Variants in ERCC5 observed in about 807,000 individuals in gnomAD.
The protein encoded by ERCC5 is DNA excision repair protein ERCC-5.
ERCC5 carries 68 observed loss-of-function variants against 105.6 expected under a neutral mutation model. That is an observed-to-expected ratio of 0.64 (90% CI 0.53 to 0.79). The LOEUF is 0.79. ERCC5 is among the 30% of genes least tolerant of loss of function. ERCC5 has a pLI of 0.00. For missense variants in ERCC5, 1,373 were observed against 1,426.7 expected (o/e 0.96, Z 0.61); for synonymous variants, 546 against 526.2 (o/e 1.04, Z -0.51).
At position 102,862,173 on chromosome 13, in the gene ERCC5, C is replaced by T. The variant is rs372910916; in HGVS notation, c.1024C>T (p.Pro342Ser). 3 of 1,614,180 alleles carry T rather than the reference C, an allele frequency of 1.9e-6. No homozygotes were observed. In the Admixed American group the frequency reaches 5.0e-5, roughly 27 times the overall value. Reference sequence around the variant, plus strand: ...AGAGCCTGATGCTACCCCTCCTTCTCCAAGAACTTTACTAGCTATGCAAGC... The same window carrying T: ...AGAGCCTGATGCTACCCCTCCTTCTTCAAGAACTTTACTAGCTATGCAAGC... ...EKEPDATPPS[P>S]RTLLAMQAAL... Residue 342 changes from proline to serine, a missense_variant, in exon 8 of 15, where the codon CCA (proline) becomes TCA (serine). Physicochemically the swap from Pro to Ser is moderately conservative, Grantham distance 74. This residue lies in a region of ERCC5 where 1,004 missense variants were observed against 1,059.7 expected (regional missense o/e 0.95). Transcript: ENST00000652225.
Position 102,862,090 on chromosome 13 carries a change from T to G in ERCC5, c.941T>G (p.Met314Arg). ...GAGTCTCTTCCTTCTTCCAGCAAAA[T>G]GCACGGCATGTCTTTTGACGTGAAG... ...DSESLPSSSK[M>R]HGMSFDVKSS... Residue 314 changes from methionine (M) to arginine (R), a missense_variant, in exon 8 of 15, where the codon ATG (methionine) becomes AGG (arginine). Coordinates refer to ENST00000652225, the MANE Select transcript of ERCC5 (RefSeq NM_000123.4). The G allele has an allele frequency of 1.2e-6, 2 of 1,614,188 alleles. No homozygotes were observed. Among genetic ancestry groups the G allele is most frequent in the Non-Finnish European group, 1.7e-6 (2 of 1,180,022 alleles).
intron 1 of ERCC5, among the ~76,000 whole-genome samples, chr13:102,848,024 TG>T (rs1466885306): frequency 6.6e-6 from 1 of 152,176 alleles, no homozygotes; most frequent in Admixed American, 6.5e-5. Context: ...CTGGACGTGG[TG>T]GCCTGCACCT....
In ERCC5 at chr13:102,862,731, A is replaced by C; in HGVS notation, c.1582A>C (p.Thr528Pro). The change falls in exon 8 of 15, where the codon ACT (threonine) becomes CCT (proline). Residue 528 changes from threonine to proline, a missense_variant. Physicochemically the swap from Thr to Pro is conservative, Grantham distance 38. Transcript: ENST00000652225. ...AAGGGAACTGACACCGGCATCTCCAACTTGTACAAATTCTGTGTCAAAGAA... is the reference window on the plus strand; with the variant it reads ...AAGGGAACTGACACCGGCATCTCCACCTTGTACAAATTCTGTGTCAAAGAA... The part of the protein sequence containing the change: ...NGRELTPASP[T>P]CTNSVSKNET... The C allele has an allele frequency of 1.2e-6, 2 of 1,614,236 alleles. No homozygotes were observed. Among genetic ancestry groups the C allele is most frequent in the East Asian group, 2.2e-5 (1 of 44,884 alleles).
At chr13:102,861,057 C>T (rs1357341772) in intron 6 of ERCC5, among the ~76,000 whole-genome samples, 2 of 149,564 alleles carry the variant, frequency 1.3e-5, no homozygotes, top group African/African-American at 2.5e-5. Context: ...GGCACAATCT[C>T]GGCTCACTGC....
Position 102,875,398 on chromosome 13 carries a change from T to C in ERCC5, c.3056T>C (p.Val1019Ala). The C allele has an allele frequency of 1.2e-6, 2 of 1,614,110 alleles. No individual in the cohort carries two copies. Among genetic ancestry groups the C allele is most frequent in the Non-Finnish European group, 1.7e-6 (2 of 1,180,028 alleles). Residue 1019 changes from valine to alanine, a missense_variant, in exon 15 of 15, where the codon GTG (valine) becomes GCG (alanine). Physicochemically the swap from Val to Ala is moderately conservative, Grantham distance 64. This residue lies in a region of ERCC5 where 367 missense variants were observed against 350.2 expected (regional missense o/e 1.05). Coordinates refer to ENST00000652225, the MANE Select transcript of ERCC5 (RefSeq NM_000123.4). ...AAGAGCCAGAGACTAAACAGAGCTG[T>C]GACATGTATGCTAAGGAAAGAGAAA... is the stretch of plus-strand genomic sequence containing the variant. Reference protein sequence around the residue: ...RIKSQRLNRAVTCMLRKEKEA... With the variant: ...RIKSQRLNRAATCMLRKEKEA...
intron 6 of ERCC5, among the ~76,000 whole-genome samples, chr13:102,859,348 C>A (rs1882540308): frequency 6.6e-6 from 1 of 152,176 alleles, no homozygotes; most frequent in Admixed American, 6.5e-5. Context: ...GGGTAAATTT[C>A]TTTTCTCATC....
At chr13:102,861,824 G>A in intron 7 of ERCC5, 110 bp downstream of exon 7, 2 of 1,407,712 alleles carry the variant, frequency 1.4e-6, no homozygotes, top group Non-Finnish European at 1.9e-6. Context: ...TTCTATTTAT[G>A]TAATAACTGT....
In ERCC5 at chr13:102,861,626, G is replaced by T. The variant is rs1191476944; in HGVS notation, c.792G>T (p.Arg264Ser). 1.9e-6 allele frequency: 3 copies of T among 1,614,148 alleles called. No individual in the cohort carries two copies. Among genetic ancestry groups the T allele is most frequent in the Non-Finnish European group, 2.5e-6 (3 of 1,180,026 alleles). ...MNQQHSGHIRRQYEDEGGFLK... is the reference protein window; with the variant it reads ...MNQQHSGHIRSQYEDEGGFLK... ...AGCAACATTCAGGACACATCCGAAG[G>T]CAGTATGAAGATGAAGGGGGCTTTC... Residue 264 changes from arginine (R) to serine (S), a missense_variant, in exon 7 of 15, where the codon AGG (arginine) becomes AGT (serine). Coordinates refer to ENST00000652225, the MANE Select transcript of ERCC5 (RefSeq NM_000123.4).
chr13:102,866,495 G>A (rs538035212), intron 10 of ERCC5, 114 bp downstream of exon 10: 138 of 1,601,166 alleles, frequency 8.6e-5, no homozygotes, highest in Non-Finnish European at 3.2e-5. Flanking sequence ...TGGTGATGCC[G>A]TTCCCTGGGG....
rs1010615584 is a variant in ERCC5 at position 102,862,296 on chromosome 13, A to G, written c.1147A>G (p.Ile383Val). 29 of 1,614,080 alleles carry G rather than the reference A, an allele frequency of 1.8e-5. No individual in the cohort carries two copies. Among genetic ancestry groups the G allele is most frequent in the Non-Finnish European group, 2.5e-5 (29 of 1,180,046 alleles). Residue 383 changes from isoleucine to valine, a missense_variant, in exon 8 of 15, where the codon ATA becomes GTA. Physicochemically the swap from Ile to Val is conservative, Grantham distance 29 (BLOSUM62 3). Transcript: ENST00000652225. ...ACCTGCTGCTGTAGACGAAGGCTCC[A>G]TATCACCCCGGACTCTTTCAGCCAT... ...NAPAAVDEGS[I>V]SPRTLSAIKR... is the part of the protein sequence containing the mutation.
chr13:102,860,988 T>A (rs1268257069), intron 6 of ERCC5, among the ~76,000 whole-genome samples: 3 of 132 alleles, frequency 0.023, no homozygotes, highest in African/African-American at 0.065. Context: ...TATTCATGAT[T>A]TTTTTTTTTT....
At position 102,866,738 on chromosome 13, in the gene ERCC5, A is replaced by T; in HGVS notation, c.2426A>T (p.Asp809Val). The stretch of plus-strand genomic sequence containing the variant: ...GATCAGACTTCCGGAACCATCACTG[A>T]TGACAGTGATATCTGGCTGTTTGGA... Reference protein sequence around the residue: ...LTDQTSGTITDDSDIWLFGAR... With the variant: ...LTDQTSGTITVDSDIWLFGAR... Residue 809 changes from aspartate to valine, a missense_variant, in exon 11 of 15, where the codon GAT becomes GTT. By Grantham distance (152) the Asp-to-Val change is radical (BLOSUM62 -3). Transcript: ENST00000652225. The T allele has an allele frequency of 6.2e-7, 1 of 1,614,260 alleles. No homozygotes were observed. The highest frequency in any genetic ancestry group is 8.5e-7 in the Non-Finnish European group (1 of 1,180,032).
chr13:102,852,530 C>T (rs1189858325), intron 2 of ERCC5, among the ~76,000 whole-genome samples: 2 of 152,182 alleles, frequency 1.3e-5, no homozygotes, highest in East Asian at 3.8e-4. Context: ...AAACTAACTA[C>T]TAAAAACCTT....
rs140135562 is a variant in ERCC5, at chr13:102,862,521, G to A, written c.1372G>A (p.Val458Ile). ...SSSVNSAEEH[V>I]ASTNEGREPT... ...TAGTGTGAACTCTGCAGAGGAGCAC[G>A]TAGCCAGCACTAATGAGGGGAGAGA... Residue 458 changes from valine (V) to isoleucine (I), a missense_variant, in exon 8 of 15, where the codon GTA (valine) becomes ATA (isoleucine). Val to Ile is a conservative substitution (Grantham distance 29). Coordinates refer to ENST00000652225, the MANE Select transcript of ERCC5 (RefSeq NM_000123.4). 22 of 1,614,036 alleles carry A rather than the reference G, an allele frequency of 1.4e-5. No individual in the cohort carries two copies. The highest frequency in any genetic ancestry group is 1.7e-5 in the Admixed American group (1 of 60,000).
At chr13:102,858,941 T>C in intron 6 of ERCC5, 1 of 456,074 alleles carries the variant, frequency 2.2e-6, no homozygotes, top group Non-Finnish European at 4.4e-6. Flanking sequence ...GCCCTAGAGA[T>C]GCCATTGGCT....
At chr13:102,858,236 A>G in intron 5 of ERCC5, 39 bp from the exon 6 acceptor site, 1 of 1,613,710 alleles carries the variant, frequency 6.2e-7, no homozygotes, top group South Asian at 1.1e-5. Context: ...TAAGTGTATG[A>G]AATGTAAATT....
At chr13:102,860,026 G>A (rs1007834318) in intron 6 of ERCC5, among the ~76,000 whole-genome samples, 14 of 152,166 alleles carry the variant, frequency 9.2e-5, no homozygotes, top group Admixed American at 1.3e-4. Flanking sequence ...CCTTTGTCTA[G>A]CATCTCCGTG....
intron 4 of ERCC5, 87 bp downstream of exon 4, chr13:102,854,461 G>A: frequency 1.5e-6 from 2 of 1,322,316 alleles, no homozygotes; most frequent in Middle Eastern, 1.9e-4. Flanking sequence ...TACATGATAA[G>A]GCATGTGAAC....
chr13:102,856,332 A>G (rs1454100477), intron 5 of ERCC5, among the ~76,000 whole-genome samples: 7 of 152,228 alleles, frequency 4.6e-5, no homozygotes, highest in African/African-American at 2.4e-5. Flanking sequence ...CATTATGCAC[A>G]TCTATATATT....
Sources: allele counts gnomAD v4.1 joint callset (sites outside exome capture counted in the v4.1 genomes callset), GRCh38; gene constraint gnomAD v4.1.1; regional missense constraint gnomAD v4.1.1; transcripts MANE v1.5; gene names NCBI Gene and HGNC (gene_info 2026-07-23, HGNC 2026-07-21).